The following GLT1D1 variants were observed in gnomAD, a reference collection of about 807,000 sequenced individuals.
GLT1D1 encodes glycosyltransferase 1 domain-containing protein 1.
In GLT1D1, 21 loss-of-function variants were observed where a neutral mutation model predicts 28.7. The ratio of observed to expected loss-of-function variants is 0.73; its 90% confidence interval spans 0.52 to 1.05. GLT1D1 has a LOEUF of 1.05. Ranked by LOEUF, GLT1D1 falls within the 50% of genes least tolerant of loss-of-function variation. GLT1D1 has a pLI of 0.00. For missense variants in GLT1D1, 343 were observed against 330.6 expected, an observed-to-expected ratio of 1.04 and a Z score of -0.29; for synonymous variants, 147 against 124.8, an observed-to-expected ratio of 1.18 and a Z score of -1.19.
At chr12:128,881,534 GAAAAAAAAAAAAAA>G (rs1161429342) in intron 2 of GLT1D1, among the ~76,000 whole-genome samples, 48 of 23,898 alleles carry the variant, frequency 2.0e-3, no homozygotes, top group Non-Finnish European at 3.0e-3. Flanking sequence ...ACTCTGTATC[GAAAAAAAAAAAAAA>G]AAAAAAAAAA....
intron 4 of GLT1D1, among the ~76,000 whole-genome samples, chr12:128,924,402 A>G (rs1872971304): frequency 6.6e-6 from 1 of 150,510 alleles, no homozygotes; most frequent in Admixed American, 6.7e-5. Flanking sequence ...ACTCCAGCAT[A>G]GTTGACAGAG....
chr12:128,915,359 T>C (rs1056118737), intron 4 of GLT1D1, among the ~76,000 whole-genome samples: 1 of 151,012 alleles, frequency 6.6e-6, no homozygotes, highest in Non-Finnish European at 1.5e-5. Context: ...TATCAGAATA[T>C]GCAACACATT....
chr12:128,874,929 G>A (rs1956836145), intron 1 of GLT1D1, among the ~76,000 whole-genome samples: 1 of 151,976 alleles, frequency 6.6e-6, no homozygotes, highest in Non-Finnish European at 1.5e-5. Flanking sequence ...TTCTGATTTT[G>A]TTCATGTTGT....
chr12:128,863,997 G>A, intron 1 of GLT1D1: 1 of 417,932 alleles, frequency 2.4e-6, no homozygotes, highest in Non-Finnish European at 4.3e-6. Flanking sequence ...CTATCTGGAA[G>A]GACCCTGCGA....
At chr12:128,973,137 A>C (rs1410300151) in intron 7 of GLT1D1, among the ~76,000 whole-genome samples, 1 of 144,898 alleles carries the variant, frequency 6.9e-6, no homozygotes, top group Non-Finnish European at 1.5e-5. Flanking sequence ...ATATAGGTAA[A>C]ATTATGAAGT....
At chr12:128,941,712 A>G (rs1234768486) in intron 4 of GLT1D1, among the ~76,000 whole-genome samples, 1 of 151,316 alleles carries the variant, frequency 6.6e-6, no homozygotes, top group African/African-American at 2.4e-5. Context: ...AGCTGGGATT[A>G]CAGGTGCTCA....
Position 128,921,918 on chromosome 12 carries a change from CT to C in GLT1D1, c.375+22645del, listed in dbSNP as rs5801829. 6.4e-3 allele frequency among the ~76,000 whole-genome samples: 922 copies of C among 143,718 alleles called. 5 individuals carry two copies. The highest frequency in any genetic ancestry group is 0.013 in the African/African-American group (498 of 39,382). The allele number at this position is 143,718 out of a possible 152,430, so 94.3% of individuals were successfully genotyped here. A position where few individuals can be genotyped will look rare whatever the true frequency, so the allele number is the denominator to read the frequency against. On this transcript the variant is annotated intron_variant, in intron 4 of 7. Transcript: ENST00000281703. ...AGATTGTTTGTTTGTTTGACATTTA[CT>C]TTTTTTTTTTTTTCCAATTCGGTAA...
In GLT1D1 at chr12:128,888,042, G is replaced by A. The variant is rs150064278; in HGVS notation, c.218-597G>A. Among the ~76,000 whole-genome samples the A allele has an allele frequency of 1.7e-3, 256 of 152,298 alleles. 1 individual carries two copies. Among genetic ancestry groups the A allele is most frequent in the African/African-American group, 2.6e-3 (107 of 41,576 alleles). ...ACACTGCCTCCCATCCGCACAGGACGCGTCACTCGGAATATACATACTCCC... is the reference window on the plus strand; with the variant it reads ...ACACTGCCTCCCATCCGCACAGGACACGTCACTCGGAATATACATACTCCC... On this transcript the variant is annotated intron_variant, in intron 2 of 7. Transcript: ENST00000281703.
At chr12:128,934,198 C>CTT (rs1228657723) in intron 4 of GLT1D1, among the ~76,000 whole-genome samples, 1,046 of 73,356 alleles carry the variant, frequency 0.014, 39 homozygotes, top group Admixed American at 0.051. Context: ...AAGAGACAGT[C>CTT]TTTTTTTTTT....
At chr12:128,900,561 G>A (rs683262) in intron 4 of GLT1D1, among the ~76,000 whole-genome samples, 79,730 of 151,808 alleles carry the variant, frequency 0.53, 21,272 homozygotes, top group East Asian at 0.6. Flanking sequence ...TCCTAGTGCA[G>A]TTTAATGACT....
At chr12:128,880,486 G>A (rs142531431) in intron 2 of GLT1D1, among the ~76,000 whole-genome samples, 1 of 152,182 alleles carries the variant, frequency 6.6e-6, no homozygotes, top group Non-Finnish European at 1.5e-5. Flanking sequence ...GAAGGTTAAA[G>A]TCTCTCTGTG....
At chr12:128,938,295 T>C (rs541735478) in intron 4 of GLT1D1, among the ~76,000 whole-genome samples, 3 of 152,316 alleles carry the variant, frequency 2.0e-5, no homozygotes, top group Middle Eastern at 6.8e-3. Context: ...CCGAGAAGTA[T>C]TAACTATTAA....
chr12:128,957,991 C>T (rs182639580), intron 7 of GLT1D1, among the ~76,000 whole-genome samples: 21 of 152,356 alleles, frequency 1.4e-4, no homozygotes, highest in Admixed American at 9.1e-4. Context: ...AAAGGACGGG[C>T]GCCTATGCGA....
chr12:128,909,338 T>TTC (rs1401536960), intron 4 of GLT1D1, among the ~76,000 whole-genome samples: 1 of 152,076 alleles, frequency 6.6e-6, no homozygotes, highest in South Asian at 2.1e-4. Context: ...TCTTTTTTTT[T>TTC]ATGCACGATA....
At chr12:128,887,014 ATTT>A (rs60745415) in intron 2 of GLT1D1, among the ~76,000 whole-genome samples, 3 of 142,982 alleles carry the variant, frequency 2.1e-5, no homozygotes, top group African/African-American at 7.7e-5. Context: ...CCCAACCCAG[ATTT>A]TTTTTTTTTT....
intron 4 of GLT1D1, among the ~76,000 whole-genome samples, chr12:128,936,824 C>T (rs1486206030): frequency 1.3e-5 from 2 of 152,132 alleles, no homozygotes; most frequent in Non-Finnish European, 2.9e-5. Context: ...GCTTGCGATG[C>T]TTTTGCCCTT....
At chr12:128,948,747 T>C (rs7977633) in intron 6 of GLT1D1, among the ~76,000 whole-genome samples, 3,560 of 152,228 alleles carry the variant, frequency 0.023, 142 homozygotes, top group African/African-American at 0.081. Context: ...CTGCAAACCT[T>C]TGGGGTCCAG....
intron 4 of GLT1D1, among the ~76,000 whole-genome samples, chr12:128,925,440 G>T (rs2135914167): frequency 6.6e-6 from 1 of 152,320 alleles, no homozygotes; most frequent in East Asian, 1.9e-4. Context: ...TCGGTTTTTA[G>T]TTTTCTCTGC....
intron 7 of GLT1D1, among the ~76,000 whole-genome samples, chr12:128,959,412 G>GCA (rs1555219948): frequency 5.7e-5 from 1 of 17,678 alleles, no homozygotes; most frequent in East Asian, 7.9e-3. Flanking sequence ...ATGAGGCAGT[G>GCA]GGGGGGGACG....
Sources: gnomAD v4.1 joint callset for allele counts (sites outside exome capture counted in the v4.1 genomes callset) on GRCh38, gnomAD v4.1.1 for gene constraint, MANE v1.5 for transcripts, NCBI Gene and HGNC (gene_info 2026-07-23, HGNC 2026-07-21) for gene names.